ASPHD2: variants seen among roughly 807,000 people sequenced by gnomAD.
ASPHD2 encodes the protein aspartate beta-hydroxylase domain-containing protein 2.
Under a neutral mutation model 34.6 loss-of-function variants are expected in ASPHD2, and 12 were observed. The observed-to-expected ratio is 0.35, with a 90% CI of 0.22 to 0.56. ASPHD2 has a LOEUF of 0.56. Ranked by LOEUF, ASPHD2 falls within the 20% of genes least tolerant of loss-of-function variation. The pLI is 0.87. For missense variants in ASPHD2, 375 were observed against 505.0 expected (o/e 0.74, Z 2.47); for synonymous variants, 224 against 212.2 (o/e 1.06, Z -0.48).
rs774823003 is a variant in ASPHD2, at chr22:26,433,760, G to A, written c.145G>A (p.Gly49Ser). 3.1e-6 allele frequency: 5 copies of A among 1,613,794 alleles called. No homozygotes were observed. In the South Asian group the frequency reaches 3.3e-5, roughly 11 times the overall value. ...LDGLRDCIAT[G>S]IQSVRDCDTT... Reference sequence around the variant, plus strand: ...TGGCCTGAGGGACTGCATCGCCACCGGCATCCAGTCCGTGCGGGACTGCGA... The same window carrying A: ...TGGCCTGAGGGACTGCATCGCCACCAGCATCCAGTCCGTGCGGGACTGCGA... The change falls in exon 2 of 4, where the codon GGC becomes AGC. Residue 49 changes from glycine (G) to serine (S), a missense_variant. By Grantham distance (56) the Gly-to-Ser change is moderately conservative. Around this residue, in one of 3 missense-constraint regions of ASPHD2, gnomAD observed 223 missense variants for 257.8 expected, o/e 0.87. Coordinates refer to ENST00000215906, the MANE Select transcript of ASPHD2 (RefSeq NM_020437.5). This position sits in a 1 kb window ranked among gnomAD's most constrained non-coding sequence, Gnocchi z 5.1.
chr22:26,431,825 G>A (rs537921198), intron 1 of ASPHD2, among the ~76,000 whole-genome samples: 2 of 152,314 alleles, frequency 1.3e-5, no homozygotes, highest in Admixed American at 6.5e-5. Flanking sequence ...TCATTATGAC[G>A]TGGTCGTAAG....
intron 3 of ASPHD2, 146 bp from the exon 4 acceptor site, chr22:26,442,951 A>G (rs2084863354): frequency 7.3e-6 from 5 of 684,542 alleles, no homozygotes; most frequent in South Asian, 6.8e-5. Context: ...GCTCTCAGTG[A>G]GAGAGGAGGT....
At position 26,443,298 on chromosome 22, in the gene ASPHD2, TG is replaced by T; in HGVS notation, c.*93del. 1 of 1,078,820 alleles carries T rather than the reference TG, an allele frequency of 9.3e-7. No homozygotes were observed. Among genetic ancestry groups the T allele is most frequent in the Non-Finnish European group, 1.4e-6 (1 of 712,290 alleles). 66.8% of individuals were successfully genotyped at this position (1,078,820 alleles called of 1,614,324 possible). ...CCAGTCCCTACCGGTGTTGTTTCCA[TG>T]CTCAGAAACCTGCCTCAGCGGAAAG... On this transcript the variant is annotated 3_prime_UTR_variant, in exon 4 of 4. Coordinates refer to ENST00000215906, the MANE Select transcript of ASPHD2 (RefSeq NM_020437.5).
rs1027008972 is a variant in ASPHD2, at chr22:26,429,958, A to C, written c.-225+472A>C. Reference sequence around the variant, plus strand: ...TCGTCCACTTTTCCGGGCAACACTCACCTTTCCATCGTCCCATCCCCCTCC... The same window carrying C: ...TCGTCCACTTTTCCGGGCAACACTCCCCTTTCCATCGTCCCATCCCCCTCC... On this transcript the variant is annotated intron_variant, in intron 1 of 3. Transcript: ENST00000215906. This position sits in a 1 kb window ranked among gnomAD's most constrained non-coding sequence, Gnocchi z 4.5. 6.6e-6 allele frequency among the ~76,000 whole-genome samples: 1 copy of C among 151,600 alleles called. No homozygotes were observed. The highest frequency in any genetic ancestry group is 1.5e-5 in the Non-Finnish European group (1 of 67,872).
intron 2 of ASPHD2, among the ~76,000 whole-genome samples, chr22:26,440,234 T>A (rs187842132): frequency 2.0e-5 from 3 of 152,298 alleles, no homozygotes; most frequent in Admixed American, 2.0e-4. Context: ...AAAGGGCGAC[T>A]GAGGGTCACA....
chr22:26,430,862 A>C (rs906236512), intron 1 of ASPHD2, among the ~76,000 whole-genome samples: 1 of 152,180 alleles, frequency 6.6e-6, no homozygotes, highest in African/African-American at 2.4e-5. Context: ...TTTTGCTTAC[A>C]GCTCAGCCTT....
chr22:26,440,737 A>G (rs2084830734), intron 2 of ASPHD2, among the ~76,000 whole-genome samples: 2 of 152,218 alleles, frequency 1.3e-5, no homozygotes, highest in Non-Finnish European at 2.9e-5. Flanking sequence ...GCAGACGAAG[A>G]GCACGCCATT....
chr22:26,431,087 A>C (rs1249165742), intron 1 of ASPHD2, among the ~76,000 whole-genome samples: 2 of 152,194 alleles, frequency 1.3e-5, no homozygotes, highest in Non-Finnish European at 2.9e-5. Flanking sequence ...TTAAGAAAAA[A>C]ACCTTTCCTC....
chr22:26,443,323 A>G lies in ASPHD2; in HGVS notation c.*117A>G, dbSNP rs2084870879. 2 of 816,512 alleles carry G rather than the reference A, an allele frequency of 2.4e-6. No homozygotes were observed. The highest frequency in any genetic ancestry group is 4.0e-6 in the Non-Finnish European group (2 of 500,870). The allele number at this position is 816,512 out of a possible 1,614,324, so 50.6% of individuals were successfully genotyped here. On this transcript the variant is annotated 3_prime_UTR_variant, in exon 4 of 4. Coordinates refer to ENST00000215906, the MANE Select transcript of ASPHD2 (RefSeq NM_020437.5). ...TGCTCAGAAACCTGCCTCAGCGGAA[A>G]GCTCTTATTTGGGATTTTATATCAT...
chr22:26,434,133 T>C lies in ASPHD2; in HGVS notation c.518T>C (p.Leu173Pro). 1 of 1,611,924 alleles carries C rather than the reference T, an allele frequency of 6.2e-7. No individual in the cohort carries two copies. The highest frequency in any genetic ancestry group is 8.5e-7 in the Non-Finnish European group (1 of 1,179,098). Reference sequence around the variant, plus strand: ...CCCGAGGTCTTCTTCCTGCCCGACCTGCCCACCACGCCCTATTTCTCCCGG... The same window carrying C: ...CCCGAGGTCTTCTTCCTGCCCGACCCGCCCACCACGCCCTATTTCTCCCGG... Reference protein sequence around the residue: ...QKPEVFFLPDLPTTPYFSRDA... With the variant: ...QKPEVFFLPDPPTTPYFSRDA... The change falls in exon 2 of 4, where the codon CTG becomes CCG. Residue 173 changes from leucine (L) to proline (P), a missense_variant. Coordinates refer to ENST00000215906, the MANE Select transcript of ASPHD2 (RefSeq NM_020437.5).
Position 26,433,991 on chromosome 22 carries a change from C to T in ASPHD2, c.376C>T (p.Leu126=), listed in dbSNP as rs367957849. Residue 126 remains leucine, a synonymous_variant, in exon 2 of 4, where the codon CTG becomes TTG. Coordinates refer to ENST00000215906, the MANE Select transcript of ASPHD2 (RefSeq NM_020437.5). This position sits in a 1 kb window ranked among gnomAD's most constrained non-coding sequence, Gnocchi z 5.1. The stretch of plus-strand genomic sequence containing the variant: ...CCACAACGAGGGCCTCAACCAGAAG[C>T]TGTACCACAACCTGCAGGAGTACGC... ...CTHNEGLNQK[L]YHNLQEYAKR... The T allele has an allele frequency of 1.5e-5, 25 of 1,613,366 alleles. No individual in the cohort carries two copies. In the African/African-American group the frequency reaches 2.5e-4, roughly 16 times the overall value.
At chr22:26,430,292 C>G (rs545710034) in intron 1 of ASPHD2, among the ~76,000 whole-genome samples, 3 of 152,322 alleles carry the variant, frequency 2.0e-5, no homozygotes, top group South Asian at 4.1e-4. Flanking sequence ...CTAGGCTGAC[C>G]AGGTCAGGCC....
intron 2 of ASPHD2, among the ~76,000 whole-genome samples, chr22:26,435,709 C>CGAAAA (rs1392863597): frequency 3.2e-5 from 4 of 124,648 alleles, no homozygotes; most frequent in South Asian, 2.7e-4. Flanking sequence ...TATCACTGCA[C>CGAAAA]TAAAAGAAAA....
chr22:26,439,165 G>A (rs773219640), intron 2 of ASPHD2, among the ~76,000 whole-genome samples: 14 of 152,162 alleles, frequency 9.2e-5, no homozygotes, highest in East Asian at 5.8e-4. Flanking sequence ...TTGGGAGGCC[G>A]AGTCAGGTGG....
rs1165749672 is a variant in ASPHD2 at position 26,433,355 on chromosome 22, G to A, written c.-224-37G>A. The A allele has an allele frequency of 1.9e-6, 1 of 519,490 alleles. No homozygotes were observed. The highest frequency in any genetic ancestry group is 3.4e-5 in the East Asian group (1 of 29,538). 32.2% of individuals were successfully genotyped at this position (519,490 alleles called of 1,614,324 possible). A position where few individuals can be genotyped will look rare whatever the true frequency, so the allele number is the denominator to read the frequency against. ...ACATTTCAGTTGAGGACTTTTCCAG[G>A]TGTAAAATTTATGCTGATTTTTTTT... On this transcript the variant is annotated intron_variant, in intron 1 of 3. Coordinates refer to ENST00000215906, the MANE Select transcript of ASPHD2 (RefSeq NM_020437.5). The surrounding 1 kb of genome is among the most constrained non-coding windows in gnomAD (Gnocchi z 5.1).
chr22:26,440,894 C>T (rs776365302), intron 2 of ASPHD2, among the ~76,000 whole-genome samples: 2 of 152,224 alleles, frequency 1.3e-5, no homozygotes, highest in African/African-American at 2.4e-5. Context: ...CTAAACCCAA[C>T]CTCCCTGGAT....
chr22:26,431,848 G>A (rs532449813), intron 1 of ASPHD2, among the ~76,000 whole-genome samples: 14 of 152,126 alleles, frequency 9.2e-5, no homozygotes, highest in South Asian at 2.1e-4. Flanking sequence ...CTGTCCATCC[G>A]CCATCATTCA....
At chr22:26,430,559 GGA>G (rs914575592) in intron 1 of ASPHD2, among the ~76,000 whole-genome samples, 8 of 152,218 alleles carry the variant, frequency 5.3e-5, no homozygotes, top group African/African-American at 1.7e-4. Flanking sequence ...AGCTGTCGGG[GGA>G]GAGAGTCTCT....
chr22:26,431,407 G>A (rs1356910147), intron 1 of ASPHD2, among the ~76,000 whole-genome samples: 1 of 111,492 alleles, frequency 9.0e-6, no homozygotes, highest in Non-Finnish European at 1.8e-5. Context: ...AATTGAGAAT[G>A]TGTGGGAAAG....
Sources: gnomAD v4.1 joint callset for allele counts (sites outside exome capture counted in the v4.1 genomes callset) on GRCh38, gnomAD v4.1.1 for gene constraint, gnomAD v4.1.1 regional missense constraint, Gnocchi (gnomAD v3.1) non-coding constraint, MANE v1.5 for transcripts, NCBI Gene and HGNC (gene_info 2026-07-23, HGNC 2026-07-21) for gene names.